The following SEMA3C variants were observed in gnomAD, a reference collection of about 807,000 sequenced individuals.
SEMA3C encodes semaphorin-3C.
In SEMA3C, 47 loss-of-function variants were observed where a neutral mutation model predicts 89.4. The observed-to-expected ratio is 0.53, with a 90% confidence interval of 0.42 to 0.67. The LOEUF is 0.67. Among genes scored for constraint, SEMA3C ranks in the 30% least tolerant of loss-of-function variants. The pLI is 0.00. For missense variants in SEMA3C, 839 were observed against 929.1 expected, an observed-to-expected ratio of 0.90 and a Z score of 1.26; for synonymous variants, 310 against 320.2, an observed-to-expected ratio of 0.97 and a Z score of 0.34.
At chr7:80,792,235 C>T (rs1333646745) in intron 11 of SEMA3C, among the ~76,000 whole-genome samples, 1 of 152,148 alleles carries the variant, frequency 6.6e-6, no homozygotes, top group Non-Finnish European at 1.5e-5. Context: ...GAACGTGTTC[C>T]ATACTTCTGC....
chr7:80,899,910 C>A (rs1482795839), intron 2 of SEMA3C, among the ~76,000 whole-genome samples: 4 of 152,148 alleles, frequency 2.6e-5, no homozygotes, highest in Non-Finnish European at 5.9e-5. Context: ...CAATACATTT[C>A]TTCAGGGTAG....
intron 2 of SEMA3C, among the ~76,000 whole-genome samples, chr7:80,899,395 A>G (rs766660355): frequency 4.6e-5 from 7 of 152,168 alleles, no homozygotes; most frequent in Non-Finnish European, 8.8e-5. Flanking sequence ...AAGTAAATGC[A>G]TTATTTTATT....
chr7:80,746,718 G>GGGGTGTGTGTGTGTGTGTGTGT (rs149678378), intron 17 of SEMA3C, among the ~76,000 whole-genome samples: 5 of 142,930 alleles, frequency 3.5e-5, no homozygotes, highest in African/African-American at 5.2e-5. Context: ...ATTGAAGTGG[G>GGGGTGTGTGTGTGTGTGTGTGT]GTGTGTGTGT....
At chr7:80,889,354 T>C (rs1300288873) in intron 2 of SEMA3C, among the ~76,000 whole-genome samples, 1 of 152,222 alleles carries the variant, frequency 6.6e-6, no homozygotes, top group Non-Finnish European at 1.5e-5. Context: ...CCTAATCTTA[T>C]ATACAAACTT....
chr7:80,857,774 A>T (rs937522764), intron 2 of SEMA3C, among the ~76,000 whole-genome samples: 1 of 152,186 alleles, frequency 6.6e-6, no homozygotes, highest in Non-Finnish European at 1.5e-5. Context: ...TGGTATGAAG[A>T]ATTTGTAAAA....
chr7:80,799,223 C>T (rs1446468357), intron 10 of SEMA3C, among the ~76,000 whole-genome samples: 1 of 151,990 alleles, frequency 6.6e-6, no homozygotes, highest in Non-Finnish European at 1.5e-5. Flanking sequence ...AAACAACTTA[C>T]TTGTAAATTT....
intron 13 of SEMA3C, among the ~76,000 whole-genome samples, chr7:80,762,391 T>G (rs1327529094): frequency 6.6e-6 from 1 of 152,166 alleles, no homozygotes; most frequent in Non-Finnish European, 1.5e-5. Flanking sequence ...CAAAAAAATA[T>G]TGTTAGAAAA....
At chr7:80,774,815 T>C (rs576208613) in intron 12 of SEMA3C, among the ~76,000 whole-genome samples, 1 of 152,032 alleles carries the variant, frequency 6.6e-6, no homozygotes, top group South Asian at 2.1e-4. Flanking sequence ...AAAATGGCCA[T>C]ACACTTCCCA....
chr7:80,839,530 T>C (rs1025249282), intron 2 of SEMA3C, among the ~76,000 whole-genome samples: 1 of 152,058 alleles, frequency 6.6e-6, no homozygotes, highest in African/African-American at 2.4e-5. Context: ...TCATTAAAAA[T>C]TTTTTTTGTG....
intron 6 of SEMA3C, among the ~76,000 whole-genome samples, chr7:80,809,440 A>C (rs1312331324): frequency 3.3e-5 from 5 of 152,202 alleles, no homozygotes; most frequent in Non-Finnish European, 7.3e-5. Context: ...ATATATACCC[A>C]GAAGAGGAAA....
chr7:80,873,352 G>C (rs761561529), intron 2 of SEMA3C, among the ~76,000 whole-genome samples: 1 of 152,152 alleles, frequency 6.6e-6, no homozygotes, highest in African/African-American at 2.4e-5. Flanking sequence ...CAGATGTTTC[G>C]AGTTTGTTTG....
intron 11 of SEMA3C, among the ~76,000 whole-genome samples, chr7:80,791,978 GATAA>G (rs757127566): frequency 9.9e-5 from 15 of 152,156 alleles, no homozygotes; most frequent in Non-Finnish European, 1.8e-4. Context: ...TTACAGATCT[GATAA>G]ATATAGTTCC....
chr7:80,783,868 G>A (rs1788743269), intron 12 of SEMA3C, among the ~76,000 whole-genome samples: 2 of 152,030 alleles, frequency 1.3e-5, no homozygotes, highest in Non-Finnish European at 2.9e-5. Context: ...CCAGTTAAAC[G>A]GAAGCTAATA....
At chr7:80,848,952 C>CT (rs1790450274) in intron 2 of SEMA3C, among the ~76,000 whole-genome samples, 1 of 152,098 alleles carries the variant, frequency 6.6e-6, no homozygotes, top group South Asian at 2.1e-4. Context: ...AACGCAGACT[C>CT]TAACATGGAG....
Position 80,744,879 on chromosome 7 carries a change from C to G in SEMA3C, c.*15G>C. 6.2e-7 allele frequency: 1 copy of G among 1,613,398 alleles called. No individual in the cohort carries two copies. The highest frequency in any genetic ancestry group is 2.2e-5 in the East Asian group (1 of 44,864). ...GCATTTGTTAATGGAAGCATAAGAC[C>G]CACATAAGAAAATATTATGACTCTG... is the stretch of plus-strand genomic sequence containing the variant. On this transcript the variant is annotated 3_prime_UTR_variant, in exon 18 of 18. Transcript: ENST00000265361.
intron 2 of SEMA3C, among the ~76,000 whole-genome samples, chr7:80,873,307 A>G (rs1218013744): frequency 1.3e-5 from 2 of 152,206 alleles, no homozygotes; most frequent in South Asian, 2.1e-4. Flanking sequence ...GTCATAAACT[A>G]GTGGCCTGTG....
chr7:80,797,355 T>G (rs1789089599), intron 11 of SEMA3C, among the ~76,000 whole-genome samples: 1 of 152,150 alleles, frequency 6.6e-6, no homozygotes. Flanking sequence ...AATATTCCAG[T>G]GCACTGTCTG....
chr7:80,860,560 A>G (rs1790747521), intron 2 of SEMA3C, among the ~76,000 whole-genome samples: 2 of 152,188 alleles, frequency 1.3e-5, no homozygotes, highest in African/African-American at 4.8e-5. Flanking sequence ...TTACAGAGAC[A>G]TTATCCTGTT....
At chr7:80,818,568 C>A in intron 4 of SEMA3C, 150 bp from the exon 5 acceptor site, 1 of 691,764 alleles carries the variant, frequency 1.4e-6, no homozygotes, top group Non-Finnish European at 2.3e-6. Flanking sequence ...AATCTTTTGG[C>A]TTCCCTAGGC....
Sources: allele counts gnomAD v4.1 joint callset (sites outside exome capture counted in the v4.1 genomes callset), GRCh38; gene constraint gnomAD v4.1.1; transcripts MANE v1.5; gene names NCBI Gene and HGNC (gene_info 2026-07-23, HGNC 2026-07-21).